PARVB: variants seen among roughly 807,000 people sequenced by gnomAD.
The protein encoded by PARVB is parvin beta, also known as beta-parvin.
In PARVB, 46 loss-of-function variants were observed where a neutral mutation model predicts 47.0. That is an observed-to-expected ratio of 0.98 (90% CI 0.77 to 1.25). PARVB has a LOEUF of 1.25. PARVB is among the 50% of genes most tolerant of loss of function. The pLI, the probability that PARVB is intolerant of heterozygous loss-of-function variation, is 0.00. For missense variants in PARVB, 473 were observed against 471.6 expected (o/e 1.00, Z -0.03); for synonymous variants, 196 against 196.3 (o/e 1.00, Z 0.01).
At chr22:44,013,053 C>T (rs540066270) in intron 2 of PARVB, among the ~76,000 whole-genome samples, 6 of 152,130 alleles carry the variant, frequency 3.9e-5, no homozygotes, top group Admixed American at 1.3e-4. Flanking sequence ...CGCACCACCA[C>T]GCCCGGTTAA....
chr22:44,109,618 C>T (rs2052646446), intron 3 of PARVB: 2 of 152,364 alleles, frequency 1.3e-5, no homozygotes, highest in South Asian at 4.1e-4. Flanking sequence ...GGGCCGTGAA[C>T]AGCTTTTGCT....
At chr22:44,124,851 G>A (rs1264429518) in intron 4 of PARVB, among the ~76,000 whole-genome samples, 1 of 152,170 alleles carries the variant, frequency 6.6e-6, no homozygotes, top group African/African-American at 2.4e-5. Flanking sequence ...ACTGCGGGGG[G>A]ACTGCCACAA....
At chr22:44,128,552 T>C (rs562603717) in intron 4 of PARVB, among the ~76,000 whole-genome samples, 3 of 152,356 alleles carry the variant, frequency 2.0e-5, no homozygotes, top group Non-Finnish European at 4.4e-5. Flanking sequence ...ATGGCCAGTC[T>C]CTTTGGTCTC....
intron 11 of PARVB, 23 bp from the exon 12 acceptor site, chr22:44,163,834 TG>T (rs869046731): frequency 6.3e-7 from 1 of 1,590,448 alleles, no homozygotes; most frequent in Non-Finnish European, 8.6e-7. Context: ...ACCCTAACGC[TG>T]ACCCACCCCC....
At chr22:44,122,762 T>C (rs1446215980) in intron 4 of PARVB, among the ~76,000 whole-genome samples, 1 of 152,258 alleles carries the variant, frequency 6.6e-6, no homozygotes, top group Non-Finnish European at 1.5e-5. Context: ...ATGTATTTTG[T>C]ACATTCTTTT....
intron 8 of PARVB, chr22:44,146,368 C>T (rs566028477): frequency 3.9e-5 from 6 of 152,342 alleles, no homozygotes; most frequent in African/African-American, 1.4e-4. Context: ...CACATGCACA[C>T]ACGTGCTCGC....
chr22:44,017,722 G>A (rs900462229), intron 2 of PARVB, among the ~76,000 whole-genome samples: 1 of 152,162 alleles, frequency 6.6e-6, no homozygotes, highest in Non-Finnish European at 1.5e-5. Flanking sequence ...GCATCTCTGT[G>A]TCTTCAGCCT....
intron 1 of PARVB, among the ~76,000 whole-genome samples, chr22:44,061,511 A>G (rs2051419427): frequency 1.3e-5 from 2 of 152,222 alleles, no homozygotes; most frequent in Admixed American, 1.3e-4. Flanking sequence ...TGTGAAAAAC[A>G]TGGCATTAAA....
intron 2 of PARVB, 75 bp downstream of exon 2, chr22:44,094,092 A>G (rs570345191): frequency 2.1e-5 from 17 of 812,958 alleles, no homozygotes; most frequent in South Asian, 6.4e-5. Flanking sequence ...GGGGAGGCCA[A>G]TGAGGAGCCC....
At chr22:44,106,757 C>G (rs1394537282) in intron 3 of PARVB, 1 of 151,800 alleles carries the variant, frequency 6.6e-6, no homozygotes, top group Non-Finnish European at 1.5e-5. Flanking sequence ...TCTGCTGCCT[C>G]AGGACTGTTG....
intron 2 of PARVB, among the ~76,000 whole-genome samples, chr22:44,002,500 T>C (rs1408120738): frequency 2.0e-5 from 3 of 152,124 alleles, no homozygotes; most frequent in South Asian, 2.1e-4. Flanking sequence ...AACTCAGAAG[T>C]GGCAGGAGGG....
chr22:44,075,007 G>A (rs1601563379), intron 1 of PARVB, among the ~76,000 whole-genome samples: 2 of 152,152 alleles, frequency 1.3e-5, no homozygotes, highest in South Asian at 2.1e-4. Flanking sequence ...TGAGCATTGC[G>A]GGGTGTTGAG....
intron 4 of PARVB, among the ~76,000 whole-genome samples, chr22:44,124,846 G>A (rs144598663): frequency 6.6e-6 from 1 of 152,006 alleles, no homozygotes; most frequent in African/African-American, 2.4e-5. Context: ...CGTGGACTGC[G>A]GGGGGACTGC....
At chr22:44,074,357 G>A (rs1338164759) in intron 1 of PARVB, among the ~76,000 whole-genome samples, 1 of 152,214 alleles carries the variant, frequency 6.6e-6, no homozygotes, top group African/African-American at 2.4e-5. Flanking sequence ...GGCTAGTGGC[G>A]CCTCCTGGCA....
intron 2 of PARVB, among the ~76,000 whole-genome samples, chr22:44,097,201 A>G (rs2052328991): frequency 1.3e-5 from 2 of 152,210 alleles, no homozygotes; most frequent in Admixed American, 1.3e-4. Flanking sequence ...CTTCTCTCCC[A>G]GAGTCCCTGG....
intron 1 of PARVB, among the ~76,000 whole-genome samples, chr22:44,025,832 C>G (rs2050719035): frequency 6.6e-6 from 1 of 152,218 alleles, no homozygotes; most frequent in Non-Finnish European, 1.5e-5. Flanking sequence ...ACGCTCCCCT[C>G]CCAATTCAGC....
intron 1 of PARVB, among the ~76,000 whole-genome samples, chr22:44,070,783 T>C (rs2051636784): frequency 6.6e-6 from 1 of 152,182 alleles, no homozygotes; most frequent in South Asian, 2.1e-4. Flanking sequence ...GCTTGGCGGC[T>C]GGAGGAGGGT....
At chr22:44,102,508 A>G (rs2052472075) in intron 3 of PARVB, among the ~76,000 whole-genome samples, 1 of 152,020 alleles carries the variant, frequency 6.6e-6, no homozygotes, top group Non-Finnish European at 1.5e-5. Context: ...CACCCTGGGG[A>G]GCTGTGTCAT....
chr22:44,048,433 G>T (rs1042278863), intron 1 of PARVB, among the ~76,000 whole-genome samples: 2 of 151,640 alleles, frequency 1.3e-5, no homozygotes, highest in African/African-American at 4.9e-5. Flanking sequence ...GTGCAGTGGC[G>T]TGATCTCGGC....
Sources: allele counts gnomAD v4.1 joint callset (sites outside exome capture counted in the v4.1 genomes callset), GRCh38; gene constraint gnomAD v4.1.1; transcripts MANE v1.5; gene names NCBI Gene and HGNC (gene_info 2026-07-23, HGNC 2026-07-21).